Variants in PGAP1 observed in about 807,000 individuals in gnomAD.
PGAP1 encodes the protein GPI inositol-deacylase.
PGAP1 carries 76 observed loss-of-function variants against 127.0 expected under a neutral mutation model. That is an observed-to-expected ratio of 0.60 (90% confidence interval 0.50 to 0.72). The LOEUF (loss-of-function observed/expected upper bound fraction) is 0.72, where lower values mean the gene tolerates loss of function less well. Among genes scored for constraint, PGAP1 ranks in the 30% least tolerant of loss-of-function variants. The pLI is 0.00. For synonymous variants in PGAP1, 362 were observed against 366.5 expected (o/e 0.99, Z 0.14); for missense variants, 982 against 1,071.3 (o/e 0.92, Z 1.16).
rs368717387 is a variant in PGAP1 at position 196,865,057 on chromosome 2, A to G, written c.1791T>C (p.Ala597=). 4 of 1,565,708 alleles carry G rather than the reference A, an allele frequency of 2.6e-6. No individual in the cohort carries two copies. The highest frequency in any genetic ancestry group is 1.7e-4 in the Middle Eastern group (1 of 5,952). ...LGQVVRFHGG[A]LPAYVVSNIL... Reference sequence around the variant, plus strand: ...TATTAGATACGACATAAGCAGGAAGAGCTCCACCATGAAATCTAACTACCT... The same window carrying G: ...TATTAGATACGACATAAGCAGGAAGGGCTCCACCATGAAATCTAACTACCT... Residue 597 remains alanine, a synonymous_variant, in exon 20 of 27, where the codon GCT becomes GCC. Coordinates refer to ENST00000354764, the MANE Select transcript of PGAP1 (RefSeq NM_024989.4).
At chr2:196,864,116 G>T (rs1013920954) in intron 20 of PGAP1, among the ~76,000 whole-genome samples, 1 of 151,878 alleles carries the variant, frequency 6.6e-6, no homozygotes, top group Non-Finnish European at 1.5e-5. Context: ...TTGAGGCCGG[G>T]TCCGGTGGCT....
intron 4 of PGAP1, among the ~76,000 whole-genome samples, chr2:196,904,335 T>C (rs1184393043): frequency 6.6e-6 from 1 of 152,174 alleles, no homozygotes; most frequent in South Asian, 2.1e-4. Flanking sequence ...AGCGCTATGC[T>C]TGGCCACAAC....
chr2:196,865,668 A>G (rs557948767), intron 19 of PGAP1, among the ~76,000 whole-genome samples: 10 of 152,312 alleles, frequency 6.6e-5, no homozygotes, highest in African/African-American at 1.9e-4. Context: ...TAATTGCTTT[A>G]TTAACTTTTT....
At chr2:196,873,608 T>A in intron 15 of PGAP1, 29 bp from the exon 16 acceptor site, 1 of 1,602,026 alleles carries the variant, frequency 6.2e-7, no homozygotes, top group African/African-American at 1.3e-5. Context: ...AAAAACAAAA[T>A]ATAAAGGTTT....
At chr2:196,926,398 A>G (rs1703361641) in intron 1 of PGAP1, 72 bp downstream of exon 1, 1 of 1,602,180 alleles carries the variant, frequency 6.2e-7, no homozygotes, top group Non-Finnish European at 8.5e-7. Flanking sequence ...GGCAGGACGA[A>G]CCCACAGAAG....
chr2:196,901,237 A>C (rs1702477893), intron 5 of PGAP1, among the ~76,000 whole-genome samples: 1 of 152,234 alleles, frequency 6.6e-6, no homozygotes, highest in South Asian at 2.1e-4. Context: ...TCTAATAATG[A>C]GGTTTGATAG....
chr2:196,870,739 T>G (rs1360409593), intron 19 of PGAP1, among the ~76,000 whole-genome samples: 1 of 152,174 alleles, frequency 6.6e-6, no homozygotes, highest in Non-Finnish European at 1.5e-5. Flanking sequence ...TTTTTGGATT[T>G]TATTCAAGTG....
At chr2:196,869,402 C>T (rs1299172849) in intron 19 of PGAP1, among the ~76,000 whole-genome samples, 6 of 152,124 alleles carry the variant, frequency 3.9e-5, no homozygotes, top group Non-Finnish European at 5.9e-5. Flanking sequence ...GTGGCGCGAT[C>T]TCTGCTCACT....
rs182996593 is a variant in PGAP1 at position 196,865,681 on chromosome 2, G to C, written c.1768-601C>G. On this transcript the variant is annotated intron_variant, in intron 19 of 26. Transcript: ENST00000354764. The stretch of plus-strand genomic sequence containing the variant: ...GTTAATTGCTTTATTAACTTTTTAT[G>C]TCCTTCACTGTGTTTGAAAATCTTA... Among the ~76,000 whole-genome samples, 194 of 152,166 alleles carry C rather than the reference G, an allele frequency of 1.3e-3. 1 individual carries two copies. The highest frequency in any genetic ancestry group is 4.4e-3 in the African/African-American group (183 of 41,534).
intron 22 of PGAP1, among the ~76,000 whole-genome samples, chr2:196,846,800 A>G (rs966917354): frequency 1.3e-5 from 2 of 152,198 alleles, no homozygotes; most frequent in African/African-American, 2.4e-5. Flanking sequence ...TTGAGCGCTA[A>G]GGTCAAAATC....
intron 4 of PGAP1, among the ~76,000 whole-genome samples, chr2:196,904,778 GAAGTA>G (rs1702635866): frequency 6.6e-6 from 1 of 151,966 alleles, no homozygotes; most frequent in Non-Finnish European, 1.5e-5. Flanking sequence ...TCACAGTGCA[GAAGTA>G]AAGATACAGG....
intron 2 of PGAP1, among the ~76,000 whole-genome samples, chr2:196,919,165 A>G (rs1009784941): frequency 1.3e-5 from 2 of 151,952 alleles, no homozygotes; most frequent in Non-Finnish European, 2.9e-5. Context: ...CTACCTCCTG[A>G]GTCTGTTTTT....
At chr2:196,881,725 T>C (rs1380965437) in intron 12 of PGAP1, among the ~76,000 whole-genome samples, 1 of 152,248 alleles carries the variant, frequency 6.6e-6, no homozygotes, top group Non-Finnish European at 1.5e-5. Context: ...TGTTTTTATC[T>C]TGTAAATTTG....
chr2:196,893,124 T>C lies in PGAP1; in HGVS notation c.1033+16A>G. 1.4e-6 allele frequency: 2 copies of C among 1,417,740 alleles called. No homozygotes were observed. Among genetic ancestry groups the C allele is most frequent in the East Asian group, 2.3e-5 (1 of 43,626 alleles). The allele number at this position is 1,417,740 out of a possible 1,614,324, so 87.8% of individuals were successfully genotyped here. On this transcript the variant is annotated intron_variant, in intron 8 of 26. Coordinates refer to ENST00000354764, the MANE Select transcript of PGAP1 (RefSeq NM_024989.4). The stretch of plus-strand genomic sequence containing the variant: ...AAATACTTCATTTAAAATTAAAATA[T>C]GTTATTGTCACCAACCTGTTAAGTC...
At position 196,841,344 on chromosome 2, in the gene PGAP1, G is replaced by C; in HGVS notation, c.2659C>G (p.Pro887Ala). 6.2e-7 allele frequency: 1 copy of C among 1,613,500 alleles called. No homozygotes were observed. Among genetic ancestry groups the C allele is most frequent in the Non-Finnish European group, 8.5e-7 (1 of 1,179,594 alleles). Reference sequence around the variant, plus strand: ...ATCACACCAACAGCCAGAGGAAGTGGAAATTGTGAAGTAGTCTTCAACAAT... The same window carrying C: ...ATCACACCAACAGCCAGAGGAAGTGCAAATTGTGAAGTAGTCTTCAACAAT... ...SKLLKTTSQF[P>A]LPLAVGVIAF... Residue 887 changes from proline (P) to alanine (A), a missense_variant, in exon 27 of 27, where the codon CCA becomes GCA. Physicochemically the swap from Pro to Ala is conservative, Grantham distance 27. Coordinates refer to ENST00000354764, the MANE Select transcript of PGAP1 (RefSeq NM_024989.4).
rs1329688368 is a variant in PGAP1 at position 196,873,738 on chromosome 2, C to G, written c.1447G>C (p.Val483Leu). 1.2e-6 allele frequency: 2 copies of G among 1,611,194 alleles called. No homozygotes were observed. Among genetic ancestry groups the G allele is most frequent in the Admixed American group, 1.7e-5 (1 of 59,988 alleles). ...TAGTATAGGCCATTTGTATTTAACA[C>G]CACTTTCCTTGAAGACAATCCTGTT... ...FSFGLSSRKV[V>L]LNTNGLYYNL... The change falls in exon 15 of 27, where the codon GTG (valine) becomes CTG (leucine). Residue 483 changes from valine to leucine, a missense_variant. Physicochemically the swap from Val to Leu is conservative, Grantham distance 32. Transcript: ENST00000354764.
At position 196,921,375 on chromosome 2, in the gene PGAP1, C is replaced by T. The variant is rs189939217; in HGVS notation, c.148-1225G>A. On this transcript the variant is annotated intron_variant, in intron 1 of 26. Transcript: ENST00000354764. The stretch of plus-strand genomic sequence containing the variant: ...ATACTCAAAATACAGAAATACTAAC[C>T]CCACTATTCGTTTTATATTTGGTAT... Among the ~76,000 whole-genome samples, 11 of 152,160 alleles carry T rather than the reference C, an allele frequency of 7.2e-5. No homozygotes were observed. The East Asian group carries it at 2.1e-3, about 29-fold the overall frequency.
intron 4 of PGAP1, among the ~76,000 whole-genome samples, chr2:196,904,620 T>A (rs1211327831): frequency 6.6e-6 from 1 of 151,734 alleles, no homozygotes. Context: ...CCCAGCTACT[T>A]GGGAGGCTGA....
chr2:196,840,485 AT>A lies in PGAP1; in HGVS notation c.*748del, dbSNP rs1700375774. ...TACCAGGAAGCAAATAGCTACGAGC[AT>A]TTTTTCTTTACATTTAACAGCAGAC... is the stretch of plus-strand genomic sequence containing the variant. On this transcript the variant is annotated 3_prime_UTR_variant, in exon 27 of 27. Coordinates refer to ENST00000354764, the MANE Select transcript of PGAP1 (RefSeq NM_024989.4). 6.6e-6 allele frequency: 1 copy of A among 152,132 alleles called. No homozygotes were observed. The highest frequency in any genetic ancestry group is 2.1e-4 in the South Asian group (1 of 4,826). The allele number at this position is 152,132 out of a possible 1,614,324, so 9.4% of individuals were successfully genotyped here.
Sources: allele counts gnomAD v4.1 joint callset (sites outside exome capture counted in the v4.1 genomes callset), GRCh38; gene constraint gnomAD v4.1.1; transcripts MANE v1.5; gene names NCBI Gene and HGNC (gene_info 2026-07-23, HGNC 2026-07-21).